ZFHX3: variants seen among roughly 807,000 people sequenced by gnomAD.
The protein encoded by ZFHX3 is zinc finger homeobox protein 3.
In ZFHX3, 42 loss-of-function variants were observed where a neutral mutation model predicts 279.1. That is an observed-to-expected ratio of 0.15 (90% CI 0.12 to 0.19). The LOEUF (loss-of-function observed/expected upper bound fraction) is 0.19. ZFHX3 is among the 10% of genes least tolerant of loss of function. The probability of loss-of-function intolerance (pLI) is 1.00; values close to 1 mark genes in which losing one functional copy is unlikely to be tolerated. For missense variants in ZFHX3, 4,981 were observed against 4,754.0 expected (o/e 1.05, Z -1.40); for synonymous variants, 2,293 against 1,957.8 (o/e 1.17, Z -4.52).
At position 72,862,060 on chromosome 16, in the gene ZFHX3, G is replaced by A. The variant is rs554705246; in HGVS notation, c.3448+27671C>T. Among the ~76,000 whole-genome samples, 5 of 152,240 alleles carry A rather than the reference G, an allele frequency of 3.3e-5. No homozygotes were observed. The South Asian group carries it at 1.0e-3, about 32-fold the overall frequency. ...AACTGGAATTTTCTGTTTCATTGTC[G>A]GTGTCCTCTGCTCCCTGAGACCATA... On this transcript the variant is annotated intron_variant, in intron 4 of 9. Transcript: ENST00000268489.
intron 1 of ZFHX3, among the ~76,000 whole-genome samples, chr16:73,823,430 A>G (rs775895407): frequency 7.2e-5 from 11 of 152,216 alleles, no homozygotes; most frequent in Non-Finnish European, 1.5e-4. Flanking sequence ...AGCCAGACAG[A>G]ATAAAGCAAG....
chr16:73,510,564 A>C lies in ZFHX3; in HGVS notation c.-1546-54306T>G, dbSNP rs376532576. Among the ~76,000 whole-genome samples, 47 of 152,350 alleles carry C rather than the reference A, an allele frequency of 3.1e-4. No homozygotes were observed. In the South Asian group the frequency reaches 8.5e-3, roughly 28 times the overall value. ...TTGTTCACTTTGAACTATTTACTAC[A>C]AAGTTAGGAAAATTACGTAGGGTCA... is the stretch of plus-strand genomic sequence containing the variant. On this transcript the variant is annotated intron_variant, in intron 2 of 17. Coordinates refer to the ZFHX3 transcript ENST00000641206.
At chr16:72,899,437 T>C (rs774546195) in intron 3 of ZFHX3, among the ~76,000 whole-genome samples, 7 of 152,228 alleles carry the variant, frequency 4.6e-5, no homozygotes, top group Admixed American at 3.3e-4. Context: ...TTGTAAGTTT[T>C]CTGAGGCCTC....
intron 5 of ZFHX3, among the ~76,000 whole-genome samples, chr16:73,216,584 C>T (rs1250581466): frequency 6.6e-6 from 1 of 152,088 alleles, no homozygotes; most frequent in Non-Finnish European, 1.5e-5. Context: ...TGATTACAGC[C>T]TGCCTGATTT....
chr16:73,285,403 G>T (rs1399122134), intron 4 of ZFHX3, among the ~76,000 whole-genome samples: 3 of 152,152 alleles, frequency 2.0e-5, no homozygotes, highest in Non-Finnish European at 4.4e-5. Context: ...GCTAAAAGTG[G>T]CATGAAAAAA....
intron 4 of ZFHX3, among the ~76,000 whole-genome samples, chr16:72,844,078 A>G (rs948057849): frequency 6.6e-6 from 1 of 152,156 alleles, no homozygotes; most frequent in Non-Finnish European, 1.5e-5. Context: ...AAAGGGGGGA[A>G]TCCCAGAAGT....
At chr16:73,483,926 CTTTGTT>C (rs1228010127) in intron 2 of ZFHX3, among the ~76,000 whole-genome samples, 1 of 103,460 alleles carries the variant, frequency 9.7e-6, no homozygotes, top group South Asian at 3.1e-4. Flanking sequence ...CACCCTCTGC[CTTTGTT>C]TTTTTTTTTT....
intron 4 of ZFHX3, among the ~76,000 whole-genome samples, chr16:73,303,154 TA>T (rs1432753675): frequency 1.3e-5 from 2 of 151,982 alleles, no homozygotes; most frequent in Admixed American, 1.3e-4. Flanking sequence ...TCGGCCTCCC[TA>T]GTAGCTAGGA....
Position 73,801,789 on chromosome 16 carries a change from T to C in ZFHX3, c.-1608+89862A>G, listed in dbSNP as rs1048715805. On this transcript the variant is annotated intron_variant, in intron 1 of 17. Transcript: ENST00000641206. ...ATGCGAGTGTGGTCATTGCTGTGTCTACAGTTGTCCCGATTCCACAAAGAC... is the reference window on the plus strand; with the variant it reads ...ATGCGAGTGTGGTCATTGCTGTGTCCACAGTTGTCCCGATTCCACAAAGAC... Among the ~76,000 whole-genome samples, 3 of 152,194 alleles carry C rather than the reference T, an allele frequency of 2.0e-5. No homozygotes were observed. The East Asian group carries it at 5.8e-4, about 29-fold the overall frequency.
chr16:73,046,688 T>C (rs1329738599), intron 1 of ZFHX3, among the ~76,000 whole-genome samples: 1 of 152,114 alleles, frequency 6.6e-6, no homozygotes, highest in Non-Finnish European at 1.5e-5. Flanking sequence ...GTGACTTGTC[T>C]CCAAGGATCT....
intron 4 of ZFHX3, among the ~76,000 whole-genome samples, chr16:72,851,590 T>C (rs982457505): frequency 6.6e-6 from 1 of 152,106 alleles, no homozygotes; most frequent in Non-Finnish European, 1.5e-5. Flanking sequence ...AGTCTCACTC[T>C]GTCGCCCAGG....
Position 72,958,971 on chromosome 16 carries a change from G to A in ZFHX3, c.1175C>T (p.Ala392Val). 1 of 1,604,116 alleles carries A rather than the reference G, an allele frequency of 6.2e-7. No individual in the cohort carries two copies. Among genetic ancestry groups the A allele is most frequent in the Non-Finnish European group, 8.5e-7 (1 of 1,175,458 alleles). ...GSAAGPEQPQAGLLTPSTLLN... is the reference protein window; with the variant it reads ...GSAAGPEQPQVGLLTPSTLLN... ...CAGGGTGCTGGGGGTCAAGAGACCA[G>A]CCTGGGGCTGCTCGGGGCCAGCGGC... The change falls in exon 2 of 10, where the codon GCT becomes GTT. Residue 392 changes from alanine (A) to valine (V), a missense_variant. By Grantham distance (64) the Ala-to-Val change is moderately conservative (BLOSUM62 0). This residue lies in a region of ZFHX3 where 1,068 missense variants were observed against 935.2 expected (regional missense o/e 1.14). Coordinates refer to ENST00000268489, the MANE Select transcript of ZFHX3 (RefSeq NM_006885.4).
intron 1 of ZFHX3, among the ~76,000 whole-genome samples, chr16:73,800,168 G>C (rs1260315279): frequency 6.6e-6 from 1 of 151,882 alleles, no homozygotes; most frequent in Non-Finnish European, 1.5e-5. Flanking sequence ...TATTTATTAA[G>C]GACTGCCACC....
intron 2 of ZFHX3, among the ~76,000 whole-genome samples, chr16:73,601,299 CAAAAAAAAAAAA>C (rs1217744713): frequency 1.7e-5 from 1 of 60,484 alleles, no homozygotes; most frequent in Non-Finnish European, 3.8e-5. Flanking sequence ...ACTAAAAATA[CAAAAAAAAAAAA>C]AAAAAAAAAT....
rs545821950 is a variant in ZFHX3, at chr16:73,252,937, C to G, written c.-1104+4110G>C. 2.0e-5 allele frequency among the ~76,000 whole-genome samples: 3 copies of G among 152,280 alleles called. No homozygotes were observed. The South Asian group carries it at 6.2e-4, about 32-fold the overall frequency. On this transcript the variant is annotated intron_variant, in intron 5 of 17. Transcript: ENST00000641206. ...GAGAGGGGAGCTTAGAGAGAATGACCTTTTCTCCAGCAGAGAAAGCAGAGC... is the reference window on the plus strand; with the variant it reads ...GAGAGGGGAGCTTAGAGAGAATGACGTTTTCTCCAGCAGAGAAAGCAGAGC...
chr16:72,880,384 C>T (rs372030935), intron 4 of ZFHX3, among the ~76,000 whole-genome samples: 20 of 152,144 alleles, frequency 1.3e-4, no homozygotes, highest in African/African-American at 3.4e-4. Flanking sequence ...ATTAGGTTAA[C>T]GTGAGGCCTT....
chr16:72,914,716 G>T (rs535138532), intron 3 of ZFHX3, among the ~76,000 whole-genome samples: 1 of 152,238 alleles, frequency 6.6e-6, no homozygotes, highest in African/African-American at 2.4e-5. Flanking sequence ...GCTAGGCTGG[G>T]TGCGGTGGCT....
intron 1 of ZFHX3, among the ~76,000 whole-genome samples, chr16:73,057,643 G>T (rs1194164916): frequency 6.6e-6 from 1 of 151,762 alleles, no homozygotes; most frequent in Non-Finnish European, 1.5e-5. Flanking sequence ...GGCGAGGTCT[G>T]GCCCTGGCCA....
chr16:73,866,664 G>A (rs1962030184), intron 1 of ZFHX3, among the ~76,000 whole-genome samples: 1 of 152,180 alleles, frequency 6.6e-6, no homozygotes, highest in African/African-American at 2.4e-5. Flanking sequence ...GATTCTTGGA[G>A]TTAATTCTTC....
Sources: allele counts gnomAD v4.1 joint callset (sites outside exome capture counted in the v4.1 genomes callset), GRCh38; gene constraint gnomAD v4.1.1; regional missense constraint gnomAD v4.1.1; transcripts MANE v1.5; gene names NCBI Gene and HGNC (gene_info 2026-07-23, HGNC 2026-07-21).